The following EYS variants were observed in gnomAD, a reference collection of about 807,000 sequenced individuals.
The protein encoded by EYS is protein eyes shut homolog.
EYS carries 250 observed loss-of-function variants against 282.1 expected under a neutral mutation model. The ratio of observed to expected loss-of-function variants is 0.89; its 90% CI spans 0.80 to 0.98. EYS has a LOEUF of 0.98. Among genes scored for constraint, EYS ranks in the 50% least tolerant of loss-of-function variants. The probability of loss-of-function intolerance (pLI) is 0.00; values close to 1 mark genes in which losing one functional copy is unlikely to be tolerated. For synonymous variants in EYS, 1,355 were observed against 1,282.9 expected, an observed-to-expected ratio of 1.06 and a Z score of -1.20; for missense variants, 4,016 against 3,709.0, an observed-to-expected ratio of 1.08 and a Z score of -2.15.
At chr6:64,880,429 TA>T (rs1206421695) in intron 19 of EYS, among the ~76,000 whole-genome samples, 1 of 151,882 alleles carries the variant, frequency 6.6e-6, no homozygotes, top group East Asian at 1.9e-4. Flanking sequence ...CATAAAAATG[TA>T]AATATCAGTT....
At chr6:64,202,980 A>G (rs1263990801) in intron 31 of EYS, among the ~76,000 whole-genome samples, 1 of 152,198 alleles carries the variant, frequency 6.6e-6, no homozygotes, top group African/African-American at 2.4e-5. Context: ...TGTTGCTTTT[A>G]AGTAACTCAG....
chr6:65,446,306 T>C (rs952787858), intron 5 of EYS, among the ~76,000 whole-genome samples: 41 of 152,024 alleles, frequency 2.7e-4, no homozygotes, highest in African/African-American at 9.4e-4. Flanking sequence ...TCAATAATTA[T>C]AGCTAATTAA....
chr6:64,723,633 T>C (rs971815018), intron 22 of EYS, among the ~76,000 whole-genome samples: 4 of 152,184 alleles, frequency 2.6e-5, no homozygotes, highest in Admixed American at 1.3e-4. Context: ...ATCCTTTATG[T>C]CTAATAGCAT....
At position 64,356,203 on chromosome 6, in the gene EYS, T is replaced by A. The variant is rs183706833; in HGVS notation, c.6078+32487A>T. On this transcript the variant is annotated intron_variant, in intron 29 of 42. Transcript: ENST00000503581. ...TGCCATTTATGTTTTTATATTTTTT[T>A]AAAATTTTTTATTGTATGTGGGTTC... 6.7e-3 allele frequency among the ~76,000 whole-genome samples: 1,024 copies of A among 151,726 alleles called. 8 individuals carry two copies. Among genetic ancestry groups the A allele is most frequent in the Non-Finnish European group, 0.012 (801 of 67,722 alleles).
chr6:64,401,432 G>T (rs760649224), intron 28 of EYS, among the ~76,000 whole-genome samples: 20 of 151,968 alleles, frequency 1.3e-4, no homozygotes, highest in Non-Finnish European at 2.6e-4. Context: ...GCAAATGTAT[G>T]CTTTTAAGAA....
chr6:64,174,105 A>G (rs1450355170), intron 31 of EYS, among the ~76,000 whole-genome samples: 2 of 152,194 alleles, frequency 1.3e-5, no homozygotes, highest in Non-Finnish European at 2.9e-5. Flanking sequence ...TACATGGGGC[A>G]TCTAAAATAG....
At chr6:64,448,779 A>G (rs1005549189) in intron 26 of EYS, among the ~76,000 whole-genome samples, 2 of 152,214 alleles carry the variant, frequency 1.3e-5, no homozygotes, top group African/African-American at 4.8e-5. Flanking sequence ...ACTCCAACAG[A>G]CCTGCAGCTG....
rs3036015 is a variant in EYS at position 65,162,911 on chromosome 6, TTG to T, written c.2024-105186_2024-105185del. Reference sequence around the variant, plus strand: ...ACTGCAACAAGGCCTCCTGTTCTGTTTGTGTGTGTGTGTGTGTGTGTGTGTCT... The same window carrying T: ...ACTGCAACAAGGCCTCCTGTTCTGTTTGTGTGTGTGTGTGTGTGTGTGTCT... On this transcript the variant is annotated intron_variant, in intron 12 of 42. Coordinates refer to ENST00000503581, the MANE Select transcript of EYS (RefSeq NM_001142800.2). Among the ~76,000 whole-genome samples the T allele has an allele frequency of 4.3e-3, 634 of 147,350 alleles. 7 individuals carry two copies. The highest frequency in any genetic ancestry group is 5.6e-3 in the Non-Finnish European group (370 of 66,180).
intron 19 of EYS, among the ~76,000 whole-genome samples, chr6:64,844,565 A>G (rs1338035347): frequency 6.6e-6 from 1 of 152,062 alleles, no homozygotes; most frequent in Non-Finnish European, 1.5e-5. Context: ...AAATTTTTGT[A>G]GACCCTTCTT....
At chr6:64,564,558 G>A (rs1765502124) in intron 26 of EYS, among the ~76,000 whole-genome samples, 1 of 152,076 alleles carries the variant, frequency 6.6e-6, no homozygotes, top group African/African-American at 2.4e-5. Context: ...TGGGATTACA[G>A]GCGTGAGCCA....
intron 12 of EYS, among the ~76,000 whole-genome samples, chr6:65,231,237 G>T (rs1330093641): frequency 1.4e-5 from 2 of 144,188 alleles, no homozygotes; most frequent in Admixed American, 7.0e-5. Context: ...AATTTCTGTT[G>T]CTTTTTAAGC....
intron 21 of EYS, among the ~76,000 whole-genome samples, chr6:64,821,409 G>A (rs965366589): frequency 7.9e-5 from 12 of 151,814 alleles, no homozygotes; most frequent in African/African-American, 2.2e-4. Flanking sequence ...CGGGAGGGAG[G>A]AGAATCGTGG....
intron 5 of EYS, among the ~76,000 whole-genome samples, chr6:65,461,568 C>T (rs551169108): frequency 2.6e-5 from 4 of 152,032 alleles, no homozygotes; most frequent in African/African-American, 9.6e-5. Flanking sequence ...CTGTGTATGC[C>T]CCTCCCACGT....
At position 65,317,825 on chromosome 6, in the gene EYS, CCTTTCTTTCTTTCTTTCTTTCTTT is replaced by C. The variant is rs201156936; in HGVS notation, c.1766+17131_1766+17154del. 2.5e-3 allele frequency among the ~76,000 whole-genome samples: 201 copies of C among 81,252 alleles called. 4 individuals carry two copies. The highest frequency in any genetic ancestry group is 0.017 in the East Asian group (54 of 3,190). The allele number at this position is 81,252 out of a possible 152,430, so 53.3% of individuals were successfully genotyped here. ...TCCTTCCTTCCTTCCTTCCTTCCTT[CCTTTCTTTCTTTCTTTCTTTCTTT>C]CTTTCTTTCTTTCTTTCTTTCTTTC... On this transcript the variant is annotated intron_variant, in intron 11 of 42. Coordinates refer to ENST00000503581, the MANE Select transcript of EYS (RefSeq NM_001142800.2).
At chr6:64,768,658 A>C (rs1562181037) in intron 22 of EYS, among the ~76,000 whole-genome samples, 2 of 152,138 alleles carry the variant, frequency 1.3e-5, no homozygotes, top group African/African-American at 4.8e-5. Context: ...ATTTAACTGA[A>C]TTTGCAACCA....
At chr6:63,778,609 C>A (rs1770128073) in intron 39 of EYS, among the ~76,000 whole-genome samples, 2 of 151,878 alleles carry the variant, frequency 1.3e-5, no homozygotes, top group Non-Finnish European at 2.9e-5. Flanking sequence ...AATTATTATA[C>A]CATTGACTTA....
At chr6:63,893,169 G>A (rs1349933691) in intron 35 of EYS, among the ~76,000 whole-genome samples, 1 of 152,120 alleles carries the variant, frequency 6.6e-6, no homozygotes, top group Non-Finnish European at 1.5e-5. Context: ...ACACTGTGGC[G>A]ATTCCTCAAG....
intron 12 of EYS, among the ~76,000 whole-genome samples, chr6:65,196,759 T>G (rs1012531307): frequency 1.8e-4 from 27 of 152,204 alleles, no homozygotes; most frequent in Middle Eastern, 3.4e-3. Flanking sequence ...TTGAATAGAC[T>G]CATTACAAAT....
At chr6:65,197,308 T>C (rs1483176448) in intron 12 of EYS, among the ~76,000 whole-genome samples, 2 of 152,098 alleles carry the variant, frequency 1.3e-5, no homozygotes, top group Admixed American at 1.3e-4. Context: ...TGGAAGCTAT[T>C]ACTTCTTTTT....
Sources: gnomAD v4.1 joint callset for allele counts (sites outside exome capture counted in the v4.1 genomes callset) on GRCh38, gnomAD v4.1.1 for gene constraint, MANE v1.5 for transcripts, NCBI Gene and HGNC (gene_info 2026-07-23, HGNC 2026-07-21) for gene names.